The following SPSB4 variants were observed in gnomAD, a reference collection of about 807,000 sequenced individuals.
SPSB4 encodes splA/ryanodine receptor domain and SOCS box containing 4, also known as SPRY domain-containing SOCS box protein 4.
In SPSB4, 21 loss-of-function variants were observed where a neutral mutation model predicts 20.9. That is an observed-to-expected ratio of 1.01 (90% CI 0.71 to 1.45). SPSB4 has a LOEUF of 1.45. Among genes scored for constraint, SPSB4 ranks in the 40% most tolerant of loss-of-function variants. The pLI is 0.00. For missense variants in SPSB4, 399 were observed against 399.2 expected (o/e 1.00, Z 0.00); for synonymous variants, 207 against 183.8 (o/e 1.13, Z -1.02).
intron 2 of SPSB4, among the ~76,000 whole-genome samples, chr3:141,102,835 C>T (rs914025421): frequency 6.6e-6 from 1 of 152,130 alleles, no homozygotes; most frequent in Admixed American, 6.5e-5. Flanking sequence ...TCAAAGAAAG[C>T]ATGGCCAAGA....
chr3:141,058,275 C>T (rs1559836867), intron 1 of SPSB4, among the ~76,000 whole-genome samples: 1 of 152,202 alleles, frequency 6.6e-6, no homozygotes, highest in African/African-American at 2.4e-5. Flanking sequence ...TTCATGTCTC[C>T]TCATTTCCCT....
chr3:141,073,659 C>T (rs753854820), intron 2 of SPSB4, among the ~76,000 whole-genome samples: 15 of 152,184 alleles, frequency 9.9e-5, no homozygotes, highest in South Asian at 4.1e-4. Context: ...AGTACATAGT[C>T]GGTGCTCAGT....
At chr3:141,054,034 A>G (rs1486027482) in intron 1 of SPSB4, among the ~76,000 whole-genome samples, 2 of 152,204 alleles carry the variant, frequency 1.3e-5, no homozygotes, top group African/African-American at 2.4e-5. Context: ...TTTTCATACA[A>G]CTGAAACTTC....
intron 2 of SPSB4, among the ~76,000 whole-genome samples, chr3:141,128,352 TG>T (rs1213534193): frequency 6.6e-6 from 1 of 151,748 alleles, no homozygotes; most frequent in Admixed American, 6.6e-5. Context: ...AGAGGGGCTG[TG>T]GGGGGCCAGG....
At chr3:141,146,683 AG>A (rs1474495207) in intron 2 of SPSB4, among the ~76,000 whole-genome samples, 1 of 151,636 alleles carries the variant, frequency 6.6e-6, no homozygotes, top group East Asian at 2.0e-4. Flanking sequence ...CTGAGGCAGG[AG>A]AATGGCGTGA....
chr3:141,125,565 C>T (rs146030916), intron 2 of SPSB4, among the ~76,000 whole-genome samples: 84 of 152,316 alleles, frequency 5.5e-4, no homozygotes, highest in Non-Finnish European at 8.8e-4. Context: ...GTGCCCCCTG[C>T]CAGGGGTCAG....
At chr3:141,082,507 C>T (rs1017102288) in intron 2 of SPSB4, among the ~76,000 whole-genome samples, 16 of 152,200 alleles carry the variant, frequency 1.1e-4, no homozygotes, top group African/African-American at 3.9e-4. Flanking sequence ...AGTTTGAGCC[C>T]TGCCAGATAA....
At chr3:141,115,714 T>C (rs1184078667) in intron 2 of SPSB4, among the ~76,000 whole-genome samples, 1 of 152,270 alleles carries the variant, frequency 6.6e-6, no homozygotes, top group African/African-American at 2.4e-5. Context: ...CCAACTATTA[T>C]TTTGTATCAT....
At chr3:141,106,667 T>C (rs1938693816) in intron 2 of SPSB4, among the ~76,000 whole-genome samples, 1 of 152,260 alleles carries the variant, frequency 6.6e-6, no homozygotes, top group East Asian at 1.9e-4. Context: ...TGAGTAATTG[T>C]AGTTGCTTTA....
intron 2 of SPSB4, among the ~76,000 whole-genome samples, chr3:141,111,866 C>T (rs1259202324): frequency 1.3e-5 from 2 of 152,158 alleles, no homozygotes; most frequent in Non-Finnish European, 2.9e-5. Flanking sequence ...TTCTCAGGAT[C>T]GTGGAACCCA....
chr3:141,116,636 G>A (rs76598000), intron 2 of SPSB4, among the ~76,000 whole-genome samples: 4,727 of 152,318 alleles, frequency 0.031, 95 homozygotes, highest in Middle Eastern at 0.048. Context: ...CCTCCAGTCT[G>A]TAGCTGGCCA....
chr3:141,095,193 C>A (rs1041489903), intron 2 of SPSB4, among the ~76,000 whole-genome samples: 1 of 152,108 alleles, frequency 6.6e-6, no homozygotes, highest in Non-Finnish European at 1.5e-5. Context: ...CCTAGGTGTG[C>A]GGGTGATGCC....
chr3:141,129,335 C>T (rs1468553795), intron 2 of SPSB4, among the ~76,000 whole-genome samples: 2 of 152,220 alleles, frequency 1.3e-5, no homozygotes, highest in African/African-American at 4.8e-5. Context: ...CAGACAGGAA[C>T]ACAACTGTCC....
rs1280380299 is a variant in SPSB4, at chr3:141,066,281, G to A, written c.177G>A (p.Glu59=). 10 of 1,564,528 alleles carry A rather than the reference G, an allele frequency of 6.4e-6. No individual in the cohort carries two copies. In the East Asian group the frequency reaches 2.2e-4, roughly 34 times the overall value. The change falls in exon 2 of 3, where the codon GAG becomes GAA. Residue 59 remains glutamate (E), a synonymous_variant. Coordinates refer to ENST00000310546, the MANE Select transcript of SPSB4 (RefSeq NM_080862.3). ...AVQLRHAWNP[E]DRSLNVFVKD... ...AGCTGCGGCACGCGTGGAACCCCGA[G>A]GACCGCTCGCTCAACGTCTTCGTCA...
intron 2 of SPSB4, among the ~76,000 whole-genome samples, chr3:141,140,823 T>A (rs1331740232): frequency 6.6e-6 from 1 of 152,126 alleles, no homozygotes; most frequent in Non-Finnish European, 1.5e-5. Flanking sequence ...GATCTCAAGC[T>A]GCGTGCTGGG....
At chr3:141,057,979 C>T (rs1454690807) in intron 1 of SPSB4, among the ~76,000 whole-genome samples, 1 of 152,212 alleles carries the variant, frequency 6.6e-6, no homozygotes, top group Non-Finnish European at 1.5e-5. Context: ...TTTCAGCAGC[C>T]TGAGATCCCC....
At chr3:141,129,915 G>T (rs1185260021) in intron 2 of SPSB4, among the ~76,000 whole-genome samples, 1 of 152,262 alleles carries the variant, frequency 6.6e-6, no homozygotes, top group African/African-American at 2.4e-5. Context: ...CCCCACCTGG[G>T]CTGTGGGGAC....
chr3:141,115,952 C>T (rs1938873396), intron 2 of SPSB4, among the ~76,000 whole-genome samples: 1 of 152,156 alleles, frequency 6.6e-6, no homozygotes, highest in South Asian at 2.1e-4. Context: ...AACAAGCTTC[C>T]ACCATCCTCC....
At chr3:141,087,006 A>G (rs1938356660) in intron 2 of SPSB4, among the ~76,000 whole-genome samples, 1 of 152,184 alleles carries the variant, frequency 6.6e-6, no homozygotes, top group Non-Finnish European at 1.5e-5. Context: ...CCTGCGTTTA[A>G]GAGCAGAGGG....
Sources: gnomAD v4.1 joint callset for allele counts (sites outside exome capture counted in the v4.1 genomes callset) on GRCh38, gnomAD v4.1.1 for gene constraint, MANE v1.5 for transcripts, NCBI Gene and HGNC (gene_info 2026-07-23, HGNC 2026-07-21) for gene names.